Variants in LMAN2 observed in about 807,000 individuals in gnomAD.
LMAN2 encodes the protein vesicular integral-membrane protein VIP36.
In LMAN2, 22 loss-of-function variants were observed where a neutral mutation model predicts 39.3. The observed-to-expected ratio is 0.56, with a 90% CI of 0.40 to 0.80. LMAN2 has a LOEUF of 0.80. Ranked by LOEUF, LMAN2 falls within the 30% of genes least tolerant of loss-of-function variation. LMAN2 has a pLI of 0.00. For synonymous variants in LMAN2, 207 were observed against 207.8 expected (o/e 1.00, Z 0.03); for missense variants, 494 against 505.4 (o/e 0.98, Z 0.22).
At chr5:177,338,685 GC>G in intron 2 of LMAN2, 80 bp from the exon 3 acceptor site, 1 of 1,122,394 alleles carries the variant, frequency 8.9e-7, no homozygotes, top group Non-Finnish European at 1.4e-6. Flanking sequence ...CACGGCCCCT[GC>G]CCCACAGACC....
chr5:177,347,551 C>A (rs1017632714), intron 2 of LMAN2, among the ~76,000 whole-genome samples: 1 of 151,960 alleles, frequency 6.6e-6, no homozygotes, highest in African/African-American at 2.4e-5. Context: ...CACGATATGA[C>A]CACAGTTCTT....
intron 2 of LMAN2, among the ~76,000 whole-genome samples, chr5:177,344,787 T>C (rs1761610010): frequency 6.6e-6 from 1 of 151,480 alleles, no homozygotes; most frequent in Non-Finnish European, 1.5e-5. Context: ...GCGCCTGTAG[T>C]CCCAGCTACT....
Position 177,337,629 on chromosome 5 carries a change from G to A in LMAN2, c.513+77C>T. The A allele has an allele frequency of 6.2e-7, 1 of 1,601,784 alleles. No homozygotes were observed. The highest frequency in any genetic ancestry group is 8.5e-7 in the Non-Finnish European group (1 of 1,171,992). ...AGGCTCCTCTTGTGCTGGGACCATG[G>A]AAGTCCCAGGGCCCCCTCCTCTAGC... On this transcript the variant is annotated intron_variant, in intron 4 of 7. Transcript: ENST00000303127. The surrounding 1 kb of genome is among the most constrained non-coding windows in gnomAD (Gnocchi z 8.2).
Position 177,351,652 on chromosome 5 carries a change from C to A in LMAN2, c.-5G>T. 1.3e-6 allele frequency: 2 copies of A among 1,583,120 alleles called. No homozygotes were observed. Among genetic ancestry groups the A allele is most frequent in the Non-Finnish European group, 1.7e-6 (2 of 1,167,490 alleles). ...AATCCAGCCTTCCGCCGCCATTCTC[C>A]TCTCCTCTCGGCCACTTCCGCCCTA... On this transcript the variant is annotated 5_prime_UTR_variant, in exon 1 of 8. It adds an upstream start codon to the 5' untranslated region. Coordinates refer to ENST00000303127, the MANE Select transcript of LMAN2 (RefSeq NM_006816.3).
chr5:177,343,035 C>T (rs560367694), intron 2 of LMAN2, among the ~76,000 whole-genome samples: 1 of 152,214 alleles, frequency 6.6e-6, no homozygotes, highest in South Asian at 2.1e-4. Flanking sequence ...GGGCAGATCA[C>T]GAGGTCAAGA....
chr5:177,337,418 CG>C lies in LMAN2; in HGVS notation c.619del (p.Arg207AlafsTer18). ...TELAGCTADF[R>X]NRDHDTFLAV... ...CAGGAAGGTGTCGTGATCGCGGTTG[CG>C]GAAGTCAGCCGTGCAGCCCGCCAGC... On this transcript the variant is annotated frameshift_variant, in exon 5 of 8. Coordinates refer to ENST00000303127, the MANE Select transcript of LMAN2 (RefSeq NM_006816.3). LOFTEE classifies it high-confidence loss of function. The surrounding 1 kb of genome is among the most constrained non-coding windows in gnomAD (Gnocchi z 8.2). 2.5e-6 allele frequency: 4 copies of C among 1,613,322 alleles called. No individual in the cohort carries two copies. Among genetic ancestry groups the C allele is most frequent in the Non-Finnish European group, 3.4e-6 (4 of 1,180,006 alleles).
chr5:177,332,650 A>G lies in LMAN2; in HGVS notation c.911-404T>C, dbSNP rs1021011434. Among the ~76,000 whole-genome samples the G allele has an allele frequency of 6.6e-6, 1 of 152,072 alleles. No individual in the cohort carries two copies. Among genetic ancestry groups the G allele is most frequent in the African/African-American group, 2.4e-5 (1 of 41,408 alleles). ...TCTGGAGCAGCGCGGCCCTGGTCAC[A>G]GGCTCTCCCAGCCCACAGCTGGATG... On this transcript the variant is annotated intron_variant, in intron 7 of 7. Transcript: ENST00000303127. The surrounding 1 kb of genome is among the most constrained non-coding windows in gnomAD (Gnocchi z 6.3).
intron 3 of LMAN2, among the ~76,000 whole-genome samples, chr5:177,338,244 C>T (rs1298180021): frequency 6.6e-6 from 1 of 152,196 alleles, no homozygotes; most frequent in African/African-American, 2.4e-5. Flanking sequence ...TAAAACCAGG[C>T]CAATGAGGGT....
intron 6 of LMAN2, among the ~76,000 whole-genome samples, chr5:177,335,050 A>G (rs1376675237): frequency 6.6e-6 from 1 of 152,204 alleles, no homozygotes; most frequent in African/African-American, 2.4e-5. Context: ...CCAATTGTAG[A>G]GATGAGGAGG....
intron 2 of LMAN2, among the ~76,000 whole-genome samples, chr5:177,342,986 G>A (rs1761579757): frequency 6.6e-6 from 1 of 152,134 alleles, no homozygotes; most frequent in South Asian, 2.1e-4. Flanking sequence ...GGGCGCGGTG[G>A]CTCATGCCTG....
At chr5:177,336,685 G>A (rs1761477672) in intron 6 of LMAN2, among the ~76,000 whole-genome samples, 1 of 152,200 alleles carries the variant, frequency 6.6e-6, no homozygotes, top group Non-Finnish European at 1.5e-5. Context: ...GGCAAGATGT[G>A]GCCTCAGCTG....
intron 6 of LMAN2, chr5:177,334,696 T>C (rs1581600934): frequency 3.0e-6 from 1 of 330,450 alleles, no homozygotes; most frequent in East Asian, 7.1e-5. Flanking sequence ...TCCGCACATG[T>C]AGAGGAGTGA....
intron 2 of LMAN2, among the ~76,000 whole-genome samples, chr5:177,344,870 C>T (rs1049785751): frequency 2.6e-5 from 4 of 151,582 alleles, no homozygotes; most frequent in African/African-American, 9.7e-5. Flanking sequence ...CGCGCCACTG[C>T]ACTCCAGCCT....
intron 2 of LMAN2, among the ~76,000 whole-genome samples, chr5:177,340,920 A>C (rs533737376): frequency 9.3e-5 from 14 of 151,216 alleles, no homozygotes; most frequent in African/African-American, 3.1e-4. Flanking sequence ...ACACCCGGCT[A>C]ATTTTTTTGT....
chr5:177,351,215 G>A lies in LMAN2; in HGVS notation c.273C>T (p.Thr91=), dbSNP rs559532868. 10 of 1,614,166 alleles carry A rather than the reference G, an allele frequency of 6.2e-6. No homozygotes were observed. Among genetic ancestry groups the A allele is most frequent in the African/African-American group, 1.3e-5 (1 of 75,050 alleles). The stretch of plus-strand genomic sequence containing the variant: ...AGCCCTCTTTGCTGCGCTCGTCAGG[G>A]GTCAGACGTACGTACTGGCTCGTGA... ...TMLTSQYVRL[T]PDERSKEGSI... Residue 91 remains threonine, a synonymous_variant, in exon 2 of 8, where the codon ACC becomes ACT. Coordinates refer to ENST00000303127, the MANE Select transcript of LMAN2 (RefSeq NM_006816.3).
intron 2 of LMAN2, among the ~76,000 whole-genome samples, chr5:177,350,558 A>AGGGTTCTAAGG (rs1295628942): frequency 6.6e-6 from 1 of 152,190 alleles, no homozygotes; most frequent in Non-Finnish European, 1.5e-5. Flanking sequence ...CATTGCAAAA[A>AGGGTTCTAAGG]GGGTTCTAAG....
Position 177,332,026 on chromosome 5 carries a change from T to TA in LMAN2, c.*59dup, listed in dbSNP as rs551174424. ...TCTTGTTGTTCTTTTATAATCCCGG[T>TA]AAAAAAAAAAGTTCACATTGGCTCC... On this transcript the variant is annotated 3_prime_UTR_variant, in exon 8 of 8. Transcript: ENST00000303127. This position sits in a 1 kb window ranked among gnomAD's most constrained non-coding sequence, Gnocchi z 6.3. 14,478 of 1,197,390 alleles carry TA rather than the reference T, an allele frequency of 0.012. No individual in the cohort carries two copies. The highest frequency in any genetic ancestry group is 0.018 in the South Asian group (1,157 of 62,816). The allele number at this position is 1,197,390 out of a possible 1,614,324, so 74.2% of individuals were successfully genotyped here.
rs1761609945 is a variant in LMAN2, at chr5:177,344,784, T to C, written c.316-6179A>G. ...AGCCGGGTGCGGTGGCGGGCGCCTG[T>C]AGTCCCAGCTACTAGGGAGGCTGAG... On this transcript the variant is annotated intron_variant, in intron 2 of 7. Coordinates refer to ENST00000303127, the MANE Select transcript of LMAN2 (RefSeq NM_006816.3). 2.0e-5 allele frequency among the ~76,000 whole-genome samples: 3 copies of C among 151,560 alleles called. 1 individual carries two copies. The South Asian group carries it at 6.3e-4, about 32-fold the overall frequency.
At position 177,351,510 on chromosome 5, in the gene LMAN2, T is replaced by C; in HGVS notation, c.138A>G (p.Ile46Met). 1 of 1,614,260 alleles carries C rather than the reference T, an allele frequency of 6.2e-7. No homozygotes were observed. The highest frequency in any genetic ancestry group is 8.5e-7 in the Non-Finnish European group (1 of 1,180,046). ...LLLLGSVTAD[I>M]TDGNSEHLKR... Reference sequence around the variant, plus strand: ...TGAGATGTTCACTGTTGCCGTCAGTTATATCCGCAGTCACAGACCCCAACA... The same window carrying C: ...TGAGATGTTCACTGTTGCCGTCAGTCATATCCGCAGTCACAGACCCCAACA... Residue 46 changes from isoleucine (I) to methionine (M), a missense_variant, in exon 1 of 8, where the codon ATA (isoleucine) becomes ATG (methionine). Ile to Met is a conservative substitution (Grantham distance 10). Coordinates refer to ENST00000303127, the MANE Select transcript of LMAN2 (RefSeq NM_006816.3).
Sources: gnomAD v4.1 joint callset for allele counts (sites outside exome capture counted in the v4.1 genomes callset) on GRCh38, gnomAD v4.1.1 for gene constraint, Gnocchi (gnomAD v3.1) non-coding constraint, MANE v1.5 for transcripts, NCBI Gene and HGNC (gene_info 2026-07-23, HGNC 2026-07-21) for gene names.